SRPK2: variants seen among roughly 807,000 people sequenced by gnomAD.
SRPK2 encodes the protein SFRS protein kinase 2.
Under a neutral mutation model 90.8 loss-of-function variants are expected in SRPK2, and 21 were observed. That is an observed-to-expected ratio of 0.23 (90% CI 0.16 to 0.33). The LOEUF (loss-of-function observed/expected upper bound fraction) is 0.33. SRPK2 is among the 10% of genes least tolerant of loss of function. The probability of loss-of-function intolerance (pLI) is 1.00; values close to 1 mark genes in which losing one functional copy is unlikely to be tolerated. For missense variants in SRPK2, 620 were observed against 869.0 expected, an observed-to-expected ratio of 0.71 and a Z score of 3.60; for synonymous variants, 288 against 311.1, an observed-to-expected ratio of 0.93 and a Z score of 0.78.
intron 3 of SRPK2, among the ~76,000 whole-genome samples, chr7:105,177,322 C>T (rs1792100110): frequency 6.6e-6 from 1 of 151,966 alleles, no homozygotes; most frequent in African/African-American, 2.4e-5. Flanking sequence ...CATATGCAAC[C>T]AATCTTTTTA....
intron 2 of SRPK2, chr7:105,204,731 G>A (rs890307598): frequency 4.0e-5 from 28 of 704,946 alleles, no homozygotes; most frequent in Non-Finnish European, 5.9e-5. Context: ...CAAACATATT[G>A]TGGTCTGGTT....
intron 2 of SRPK2, among the ~76,000 whole-genome samples, chr7:105,245,820 G>C (rs143219205): frequency 6.6e-6 from 1 of 152,194 alleles, no homozygotes; most frequent in Non-Finnish European, 1.5e-5. Flanking sequence ...CTGGGCTCAA[G>C]TGATCCTCCC....
chr7:105,186,263 T>G (rs1038551805), intron 3 of SRPK2, among the ~76,000 whole-genome samples: 1 of 152,152 alleles, frequency 6.6e-6, no homozygotes, highest in Non-Finnish European at 1.5e-5. Flanking sequence ...TACACAATGG[T>G]GGGGTTTGGG....
chr7:105,123,853 T>C (rs548609619), intron 15 of SRPK2, among the ~76,000 whole-genome samples: 22 of 152,312 alleles, frequency 1.4e-4, no homozygotes, highest in Admixed American at 3.3e-4. Context: ...CGGTCTCTTA[T>C]ATCCAAAAAC....
chr7:105,336,506 G>T (rs1233337622), intron 2 of SRPK2, among the ~76,000 whole-genome samples: 1 of 151,892 alleles, frequency 6.6e-6, no homozygotes, highest in African/African-American at 2.4e-5. Context: ...AGAATTTAGG[G>T]TATTACCATC....
At chr7:105,236,341 T>C (rs1308213861) in intron 2 of SRPK2, among the ~76,000 whole-genome samples, 1 of 152,202 alleles carries the variant, frequency 6.6e-6, no homozygotes, top group African/African-American at 2.4e-5. Context: ...TATTCTAATA[T>C]GTATTTTTTC....
At chr7:105,292,185 C>A (rs1278039909) in intron 2 of SRPK2, among the ~76,000 whole-genome samples, 7 of 152,146 alleles carry the variant, frequency 4.6e-5, no homozygotes, top group Non-Finnish European at 1.0e-4. Context: ...TTTAAGCCAT[C>A]CTAAATTGAA....
At chr7:105,310,821 T>C (rs1413559383) in intron 2 of SRPK2, among the ~76,000 whole-genome samples, 1 of 152,342 alleles carries the variant, frequency 6.6e-6, no homozygotes, top group East Asian at 1.9e-4. Context: ...GTTTTTGGCA[T>C]ATCTATTATA....
chr7:105,160,552 G>A lies in SRPK2; in HGVS notation c.576C>T (p.Asn192=). The part of the protein sequence containing the change: ...HHLLKWIIKS[N]YQGLPVRCVK... ...CACAACGTACTGGGAGGCCTTGATA[G>A]TTGGATTTGATGATCCACTTGAGGA... Residue 192 remains asparagine, a synonymous_variant, in exon 7 of 16, where the codon AAC becomes AAT. Coordinates refer to ENST00000393651, the MANE Select transcript of SRPK2 (RefSeq NM_182692.3). 6.2e-7 allele frequency: 1 copy of A among 1,613,870 alleles called. No homozygotes were observed. The highest frequency in any genetic ancestry group is 8.5e-7 in the Non-Finnish European group (1 of 1,179,764).
chr7:105,266,751 A>G (rs1455810481), intron 2 of SRPK2, among the ~76,000 whole-genome samples: 2 of 152,316 alleles, frequency 1.3e-5, no homozygotes, highest in South Asian at 2.1e-4. Flanking sequence ...AAGGTGTTAA[A>G]TTCCTGGACA....
chr7:105,202,521 CTT>C (rs1471371520), intron 3 of SRPK2, among the ~76,000 whole-genome samples: 1 of 152,190 alleles, frequency 6.6e-6, no homozygotes, highest in East Asian at 1.9e-4. Context: ...AGTCATTTCT[CTT>C]TCTCCTAGAT....
intron 6 of SRPK2, among the ~76,000 whole-genome samples, chr7:105,164,786 A>G (rs951208335): frequency 3.3e-5 from 5 of 152,192 alleles, no homozygotes; most frequent in African/African-American, 1.2e-4. Context: ...TTTGGAGTTT[A>G]AATCTGGGAA....
chr7:105,357,388 T>C (rs1817900492), intron 2 of SRPK2, among the ~76,000 whole-genome samples: 1 of 152,224 alleles, frequency 6.6e-6, no homozygotes, highest in Non-Finnish European at 1.5e-5. Context: ...ATTCCTTTCA[T>C]CATGTCTTAG....
At chr7:105,377,477 G>A (rs1178724942) in intron 2 of SRPK2, among the ~76,000 whole-genome samples, 1 of 152,016 alleles carries the variant, frequency 6.6e-6, no homozygotes, top group African/African-American at 2.4e-5. Context: ...TGGATCACCT[G>A]AGGCCAGGAG....
At position 105,132,991 on chromosome 7, in the gene SRPK2, A is replaced by G. The variant is rs375905827; in HGVS notation, c.1644+13T>C. On this transcript the variant is annotated intron_variant, in intron 12 of 15. Coordinates refer to ENST00000393651, the MANE Select transcript of SRPK2 (RefSeq NM_182692.3). ...ATCAAGACCAAAGGTTTTAGAAAGA[A>G]AACTCTACTTACCACCCAACAAGCA... 2.5e-6 allele frequency: 4 copies of G among 1,614,002 alleles called. No individual in the cohort carries two copies. The African/African-American group carries it at 4.0e-5, about 16-fold the overall frequency.
At chr7:105,306,717 G>T in intron 2 of SRPK2, 1 of 265,954 alleles carries the variant, frequency 3.8e-6, no homozygotes, top group South Asian at 3.7e-5. Context: ...TTTTAATGCT[G>T]TATACATCTC....
chr7:105,379,321 T>A (rs2132620663), intron 2 of SRPK2, among the ~76,000 whole-genome samples: 1 of 152,182 alleles, frequency 6.6e-6, no homozygotes, highest in South Asian at 2.1e-4. Context: ...GTATTTACAT[T>A]GTATATATAT....
chr7:105,362,843 A>G (rs1303859684), intron 2 of SRPK2, among the ~76,000 whole-genome samples: 2 of 152,240 alleles, frequency 1.3e-5, no homozygotes, highest in East Asian at 1.9e-4. Context: ...TGGCACATAT[A>G]CACCACGGAA....
intron 2 of SRPK2, among the ~76,000 whole-genome samples, chr7:105,348,229 G>A (rs1286855040): frequency 6.0e-5 from 9 of 151,226 alleles, no homozygotes; most frequent in Admixed American, 4.6e-4. Context: ...GGGCCACCAC[G>A]CCCGGCCAAT....
Sources: allele counts gnomAD v4.1 joint callset (sites outside exome capture counted in the v4.1 genomes callset), GRCh38; gene constraint gnomAD v4.1.1; transcripts MANE v1.5; gene names NCBI Gene and HGNC (gene_info 2026-07-23, HGNC 2026-07-21).